Variants in CREB5 observed in about 807,000 individuals in gnomAD.
CREB5 encodes cAMP responsive element binding protein 5.
In CREB5, 19 loss-of-function variants were observed where a neutral mutation model predicts 57.1. The observed-to-expected ratio is 0.33, with a 90% confidence interval of 0.23 to 0.49. CREB5 has a LOEUF of 0.49. CREB5 is among the 20% of genes least tolerant of loss of function. The pLI, the probability that CREB5 is intolerant of heterozygous loss-of-function variation, is 0.99. For missense variants in CREB5, 579 were observed against 671.6 expected (o/e 0.86, Z 1.52); for synonymous variants, 238 against 238.3 (o/e 1.00, Z 0.01).
At chr7:28,798,612 C>A (rs980698802) in intron 7 of CREB5, among the ~76,000 whole-genome samples, 2 of 152,166 alleles carry the variant, frequency 1.3e-5, no homozygotes, top group African/African-American at 2.4e-5. Context: ...CCCACCCTCC[C>A]GTCGCGGATA....
At chr7:28,325,595 T>G (rs79688180) in intron 1 of CREB5, among the ~76,000 whole-genome samples, 4,402 of 152,318 alleles carry the variant, frequency 0.029, 129 homozygotes, top group Admixed American at 0.077. Context: ...ATCTATCTCA[T>G]ATGATTCTTC....
intron 4 of CREB5, among the ~76,000 whole-genome samples, chr7:28,568,827 C>A (rs1018309835): frequency 1.3e-5 from 2 of 152,172 alleles, no homozygotes. Flanking sequence ...CCCCAAATAC[C>A]GTATATGTTA....
intron 5 of CREB5, among the ~76,000 whole-genome samples, chr7:28,650,450 A>T (rs947720821): frequency 2.6e-5 from 4 of 152,148 alleles, no homozygotes; most frequent in Non-Finnish European, 4.4e-5. Flanking sequence ...CCATTTACAC[A>T]TCATTTAGCT....
chr7:28,549,010 AATC>A (rs1794520759), intron 4 of CREB5, among the ~76,000 whole-genome samples: 1 of 152,236 alleles, frequency 6.6e-6, no homozygotes, highest in South Asian at 2.1e-4. Context: ...ATTAAGGAGG[AATC>A]ATCTTATTTC....
chr7:28,446,034 G>T (rs1259612446), intron 1 of CREB5, among the ~76,000 whole-genome samples: 1 of 152,130 alleles, frequency 6.6e-6, no homozygotes, highest in Non-Finnish European at 1.5e-5. Flanking sequence ...GAAGCCCTTG[G>T]ACCAGCTGGA....
At chr7:28,445,183 A>T (rs1789383695) in intron 1 of CREB5, among the ~76,000 whole-genome samples, 1 of 152,168 alleles carries the variant, frequency 6.6e-6, no homozygotes, top group Non-Finnish European at 1.5e-5. Flanking sequence ...AAGCCTCCCC[A>T]GCCACGTGGA....
chr7:28,467,202 AGGGC>A (rs1790619871), intron 1 of CREB5, among the ~76,000 whole-genome samples: 1 of 152,148 alleles, frequency 6.6e-6, no homozygotes, highest in Admixed American at 6.5e-5. Flanking sequence ...GCAGCCTCCT[AGGGC>A]AGAGGGAAGA....
At chr7:28,753,577 G>C (rs1426778205) in intron 7 of CREB5, among the ~76,000 whole-genome samples, 1 of 152,056 alleles carries the variant, frequency 6.6e-6, no homozygotes, top group East Asian at 1.9e-4. Flanking sequence ...GTACCCTTTG[G>C]GGAGATAGAT....
At chr7:28,406,180 G>A (rs1787575659) in intron 1 of CREB5, among the ~76,000 whole-genome samples, 2 of 152,184 alleles carry the variant, frequency 1.3e-5, no homozygotes, top group South Asian at 4.1e-4. Flanking sequence ...GAGGCCTCTT[G>A]GGATGGTTTT....
Position 28,345,399 on chromosome 7 carries a change from A to T in CREB5, c.-25+45958A>T, listed in dbSNP as rs531060870. Among the ~76,000 whole-genome samples, 4 of 152,306 alleles carry T rather than the reference A, an allele frequency of 2.6e-5. No homozygotes were observed. In the East Asian group the frequency reaches 7.7e-4, roughly 29 times the overall value. On this transcript the variant is annotated intron_variant, in intron 1 of 9. Coordinates refer to the CREB5 transcript ENST00000396299. The stretch of plus-strand genomic sequence containing the variant: ...CCAACCACAATGATATGAAACTAGA[A>T]ATCAATATCAGTTGTTACTTTTGAG...
chr7:28,358,452 G>A (rs971496702), intron 1 of CREB5, among the ~76,000 whole-genome samples: 1 of 152,200 alleles, frequency 6.6e-6, no homozygotes, highest in Non-Finnish European at 1.5e-5. Context: ...GACCATTAGT[G>A]GTTCTTGGAT....
chr7:28,687,942 G>A (rs755441403), intron 5 of CREB5, among the ~76,000 whole-genome samples: 5 of 152,258 alleles, frequency 3.3e-5, no homozygotes, highest in South Asian at 2.1e-4. Context: ...GCTCCTCCCC[G>A]CATGGGGAAC....
intron 5 of CREB5, among the ~76,000 whole-genome samples, chr7:28,587,253 T>G (rs1263452716): frequency 1.3e-5 from 2 of 152,208 alleles, no homozygotes; most frequent in Admixed American, 6.5e-5. Flanking sequence ...TGAAAGACAC[T>G]GAAATGGTTT....
intron 5 of CREB5, among the ~76,000 whole-genome samples, chr7:28,573,771 C>T (rs1795796104): frequency 6.6e-6 from 1 of 152,186 alleles, no homozygotes; most frequent in South Asian, 2.1e-4. Flanking sequence ...GGTAGGCATC[C>T]TCATAAGCAT....
chr7:28,775,098 C>G (rs1806543546), intron 7 of CREB5, among the ~76,000 whole-genome samples: 1 of 152,176 alleles, frequency 6.6e-6, no homozygotes, highest in Non-Finnish European at 1.5e-5. Flanking sequence ...TTGAATTCTG[C>G]ATTTCAAAAA....
chr7:28,465,158 C>G (rs1192935115), intron 1 of CREB5, among the ~76,000 whole-genome samples: 3 of 152,156 alleles, frequency 2.0e-5, no homozygotes, highest in Non-Finnish European at 2.9e-5. Flanking sequence ...CAGGTGAGCT[C>G]TAGGGACCAT....
chr7:28,773,396 A>C (rs189181264), intron 7 of CREB5, among the ~76,000 whole-genome samples: 1 of 152,332 alleles, frequency 6.6e-6, no homozygotes, highest in East Asian at 1.9e-4. Flanking sequence ...CCAGTTTTAG[A>C]GCTATTCTTA....
intron 5 of CREB5, among the ~76,000 whole-genome samples, chr7:28,708,868 G>A (rs1283836413): frequency 6.6e-6 from 1 of 152,174 alleles, no homozygotes; most frequent in African/African-American, 2.4e-5. Flanking sequence ...AGGCAAGTGC[G>A]CCAGTGAATG....
chr7:28,408,275 CACGTG>C (rs1478745434), upstream of CREB5, among the ~76,000 whole-genome samples: 1 of 152,202 alleles, frequency 6.6e-6, no homozygotes, highest in Non-Finnish European at 1.5e-5. Context: ...CAAGGGAAAT[CACGTG>C]GTCGCAAGCG....
Sources: gnomAD v4.1 joint callset for allele counts (sites outside exome capture counted in the v4.1 genomes callset) on GRCh38, gnomAD v4.1.1 for gene constraint, MANE v1.5 for transcripts, NCBI Gene and HGNC (gene_info 2026-07-23, HGNC 2026-07-21) for gene names.